AADACL3: variants seen among roughly 807,000 people sequenced by gnomAD.
The protein encoded by AADACL3 is arylacetamide deacetylase-like 3.
In AADACL3, 13 loss-of-function variants were observed where a neutral mutation model predicts 13.6. That is an observed-to-expected ratio of 0.95 (90% CI 0.62 to 1.52). The LOEUF (loss-of-function observed/expected upper bound fraction) is 1.52. AADACL3 is among the 40% of genes most tolerant of loss of function. The pLI is 0.00. For synonymous variants in AADACL3, 195 were observed against 197.0 expected (o/e 0.99, Z 0.08); for missense variants, 519 against 499.2 (o/e 1.04, Z -0.38).
rs572718911 is a variant in AADACL3, at chr1:12,728,156, C to T, written c.*2160C>T. On this transcript the variant is annotated 3_prime_UTR_variant, in exon 4 of 4. Coordinates refer to ENST00000359318, the MANE Select transcript of AADACL3 (RefSeq NM_001103170.3). ...CACTATCCTTCCTGCAATACATCCA[C>T]GAGACTCACTGAGTGGAAAAGGGAT... is the stretch of plus-strand genomic sequence containing the variant. 5 of 152,288 alleles carry T rather than the reference C, an allele frequency of 3.3e-5. No individual in the cohort carries two copies. The highest frequency in any genetic ancestry group is 4.8e-5 in the African/African-American group (2 of 41,550). 9.4% of individuals were successfully genotyped at this position (152,288 alleles called of 1,614,324 possible). A position where few individuals can be genotyped will look rare whatever the true frequency, so the allele number is the denominator to read the frequency against.
rs1292090425 is a variant in AADACL3 at position 12,725,447 on chromosome 1, C to G, written c.675C>G (p.Leu225=). 1 of 1,613,972 alleles carries G rather than the reference C, an allele frequency of 6.2e-7. No individual in the cohort carries two copies. The highest frequency in any genetic ancestry group is 1.7e-5 in the Admixed American group (1 of 60,006). Residue 225 remains leucine, a synonymous_variant, in exon 4 of 4, where the codon CTC becomes CTG. Transcript: ENST00000359318. Reference sequence around the variant, plus strand: ...CTCAGATCCTGATCTATGCCATTCTCCAAGCCCTGGATTTACAAACCCCTT... The same window carrying G: ...CTCAGATCCTGATCTATGCCATTCTGCAAGCCCTGGATTTACAAACCCCTT... ...IRAQILIYAI[L]QALDLQTPSF...
At chr1:12,721,716 C>T (rs1053494100) in intron 3 of AADACL3, among the ~76,000 whole-genome samples, 2 of 152,220 alleles carry the variant, frequency 1.3e-5, no homozygotes, top group African/African-American at 2.4e-5. Context: ...CGTTCACTTC[C>T]AAGTGCTCCC....
Position 12,725,842 on chromosome 1 carries a change from A to G in AADACL3, c.1070A>G (p.Lys357Arg), listed in dbSNP as rs1427134666. 1 of 1,614,228 alleles carries G rather than the reference A, an allele frequency of 6.2e-7. No homozygotes were observed. The highest frequency in any genetic ancestry group is 8.5e-7 in the Non-Finnish European group (1 of 1,180,036). The change falls in exon 4 of 4, where the codon AAG (lysine) becomes AGG (arginine). Residue 357 changes from lysine to arginine, a missense_variant. Coordinates refer to ENST00000359318, the MANE Select transcript of AADACL3 (RefSeq NM_001103170.3). ...DALRDNSLLY[K>R]KRLEDLGVPV... ...CTCCGGGACAATTCACTGTTGTACA[A>G]GAAAAGGCTGGAAGACCTGGGAGTG... is the stretch of plus-strand genomic sequence containing the variant.
chr1:12,725,736 A>T lies in AADACL3; in HGVS notation c.964A>T (p.Met322Leu), dbSNP rs779132748. ...GGAAGTAAGTGTTGTCCTGGATGTG[A>T]TGTGCTCGCCCCTGATTGCAGAAGA... ...YLEVSVVLDV[M>L]CSPLIAEDDI... The change falls in exon 4 of 4, where the codon ATG (methionine) becomes TTG (leucine). Residue 322 changes from methionine (M) to leucine (L), a missense_variant. Physicochemically the swap from Met to Leu is conservative, Grantham distance 15. Transcript: ENST00000359318. 1 of 1,614,146 alleles carries T rather than the reference A, an allele frequency of 6.2e-7. No individual in the cohort carries two copies. The highest frequency in any genetic ancestry group is 8.5e-7 in the Non-Finnish European group (1 of 1,180,016).
At chr1:12,721,399 CAAACAAAACAA>C (rs1046146432) in intron 3 of AADACL3, among the ~76,000 whole-genome samples, 4 of 151,806 alleles carry the variant, frequency 2.6e-5, no homozygotes, top group Non-Finnish European at 5.9e-5. Context: ...TGTCTTAAAA[CAAACAAAACAA>C]AACAAGAAAA....
chr1:12,719,255 AG>A (rs1488012431), intron 1 of AADACL3, among the ~76,000 whole-genome samples: 1 of 152,002 alleles, frequency 6.6e-6, no homozygotes, highest in East Asian at 1.9e-4. Flanking sequence ...GTGGGTTGAG[AG>A]GGGCTGGCTG....
At position 12,725,880 on chromosome 1, in the gene AADACL3, C is replaced by T. The variant is rs769698072; in HGVS notation, c.1108C>T (p.His370Tyr). The change falls in exon 4 of 4, where the codon CAC becomes TAC. Residue 370 changes from histidine to tyrosine, a missense_variant. Physicochemically the swap from His to Tyr is moderately conservative, Grantham distance 83 (BLOSUM62 2). Coordinates refer to ENST00000359318, the MANE Select transcript of AADACL3 (RefSeq NM_001103170.3). ...AGACCTGGGAGTGCCCGTGACCTGGCACCATATGGAGGATGGTTTCCATGG... is the reference window on the plus strand; with the variant it reads ...AGACCTGGGAGTGCCCGTGACCTGGTACCATATGGAGGATGGTTTCCATGG... ...LEDLGVPVTW[H>Y]HMEDGFHGVL... 6 of 1,614,194 alleles carry T rather than the reference C, an allele frequency of 3.7e-6. No homozygotes were observed. The South Asian group carries it at 4.4e-5, about 12-fold the overall frequency.
chr1:12,728,602 A>C lies in AADACL3; in HGVS notation c.*2606A>C, dbSNP rs1638419404. 1.3e-5 allele frequency: 2 copies of C among 152,298 alleles called. No individual in the cohort carries two copies. Among genetic ancestry groups the C allele is most frequent in the Non-Finnish European group, 2.9e-5 (2 of 68,058 alleles). The allele number at this position is 152,298 out of a possible 1,614,324, so 9.4% of individuals were successfully genotyped here. On this transcript the variant is annotated 3_prime_UTR_variant, in exon 4 of 4. Transcript: ENST00000359318. ...TCTGAGTTCTCCAGCTTCCTCCCAC[A>C]TTCCAAAGATGTGTATGTTACATTC...
chr1:12,725,450 A>T lies in AADACL3; in HGVS notation c.678A>T (p.Gln226His). ...AGATCCTGATCTATGCCATTCTCCA[A>T]GCCCTGGATTTACAAACCCCTTCGT... ...RAQILIYAILQALDLQTPSFQ... is the reference protein window; with the variant it reads ...RAQILIYAILHALDLQTPSFQ... Residue 226 changes from glutamine (Q) to histidine (H), a missense_variant, in exon 4 of 4, where the codon CAA becomes CAT. By Grantham distance (24) the Gln-to-His change is conservative (BLOSUM62 0). Coordinates refer to ENST00000359318, the MANE Select transcript of AADACL3 (RefSeq NM_001103170.3). 1 of 1,614,038 alleles carries T rather than the reference A, an allele frequency of 6.2e-7. No homozygotes were observed. The highest frequency in any genetic ancestry group is 8.5e-7 in the Non-Finnish European group (1 of 1,179,974).
rs772061836 is a variant in AADACL3 at position 12,725,665 on chromosome 1, G to T, written c.893G>T (p.Gly298Val). The T allele has an allele frequency of 5.6e-6, 9 of 1,614,094 alleles. No homozygotes were observed. Among genetic ancestry groups the T allele is most frequent in the Non-Finnish European group, 7.6e-6 (9 of 1,180,002 alleles). Reference protein sequence around the residue: ...ENIPERFKERGYQLKPHEPMN... With the variant: ...ENIPERFKERVYQLKPHEPMN... Reference sequence around the variant, plus strand: ...ATCCCTGAGAGGTTTAAGGAGAGGGGTTACCAACTGAAGCCCCATGAGCCC... The same window carrying T: ...ATCCCTGAGAGGTTTAAGGAGAGGGTTTACCAACTGAAGCCCCATGAGCCC... The change falls in exon 4 of 4, where the codon GGT becomes GTT. Residue 298 changes from glycine to valine, a missense_variant. Transcript: ENST00000359318.
rs1238536967 is a variant in AADACL3 at position 12,726,704 on chromosome 1, A to T, written c.*708A>T. 1 of 152,242 alleles carries T rather than the reference A, an allele frequency of 6.6e-6. No individual in the cohort carries two copies. The highest frequency in any genetic ancestry group is 1.5e-5 in the Non-Finnish European group (1 of 68,088). The allele number at this position is 152,242 out of a possible 1,614,324, so 9.4% of individuals were successfully genotyped here. On this transcript the variant is annotated 3_prime_UTR_variant, in exon 4 of 4. Coordinates refer to ENST00000359318, the MANE Select transcript of AADACL3 (RefSeq NM_001103170.3). ...AATCAAAGCCTGTCTTCCAACCAGA[A>T]GCCCCAAGGCAATGTTCTAAGAATT...
chr1:12,719,596 T>A lies in AADACL3; in HGVS notation c.290T>A (p.Ile97Asn), dbSNP rs751218304. The A allele has an allele frequency of 6.2e-7, 1 of 1,614,118 alleles. No individual in the cohort carries two copies. The highest frequency in any genetic ancestry group is 1.7e-5 in the Admixed American group (1 of 60,018). ...GTCACGGATTTCCGCTTTGGGACAATCCCTGTGAAGCTGTACCAACCCAAG... is the reference window on the plus strand; with the variant it reads ...GTCACGGATTTCCGCTTTGGGACAAACCCTGTGAAGCTGTACCAACCCAAG... ...VVVTDFRFGT[I>N]PVKLYQPKAS... is the part of the protein sequence containing the mutation. Residue 97 changes from isoleucine to asparagine, a missense_variant, in exon 2 of 4, where the codon ATC (isoleucine) becomes AAC (asparagine). Physicochemically the swap from Ile to Asn is moderately radical, Grantham distance 149. Transcript: ENST00000359318.
rs1464584242 is a variant in AADACL3 at position 12,728,019 on chromosome 1, GC to G, written c.*2026del. 2 of 152,264 alleles carry G rather than the reference GC, an allele frequency of 1.3e-5. No homozygotes were observed. Among genetic ancestry groups the G allele is most frequent in the African/African-American group, 4.8e-5 (2 of 41,470 alleles). 9.4% of individuals were successfully genotyped at this position (152,264 alleles called of 1,614,324 possible). Reference sequence around the variant, plus strand: ...TGAGAGCACCCCTTGTTGGGCGCATGCCCATGGCAGCTTCCTTCTGCCGATC... The same window carrying G: ...TGAGAGCACCCCTTGTTGGGCGCATGCCATGGCAGCTTCCTTCTGCCGATC... On this transcript the variant is annotated 3_prime_UTR_variant, in exon 4 of 4. Transcript: ENST00000359318.
At chr1:12,722,581 C>T (rs1324727385) in intron 3 of AADACL3, among the ~76,000 whole-genome samples, 1 of 151,938 alleles carries the variant, frequency 6.6e-6, no homozygotes, top group African/African-American at 2.4e-5. Flanking sequence ...AAGGGCATTG[C>T]TTTCCAGGAT....
chr1:12,719,617 C>A lies in AADACL3; in HGVS notation c.311C>A (p.Pro104His). The A allele has an allele frequency of 6.2e-7, 1 of 1,614,134 alleles. No homozygotes were observed. Among genetic ancestry groups the A allele is most frequent in the Non-Finnish European group, 8.5e-7 (1 of 1,180,014 alleles). ...FGTIPVKLYQPKASTCTLKPG... is the reference protein window; with the variant it reads ...FGTIPVKLYQHKASTCTLKPG... ...ACAATCCCTGTGAAGCTGTACCAAC[C>A]CAAGGCATCCACCTGCACCCTGAAG... The change falls in exon 2 of 4, where the codon CCC (proline) becomes CAC (histidine). Residue 104 changes from proline to histidine, a missense_variant. By Grantham distance (77) the Pro-to-His change is moderately conservative. Transcript: ENST00000359318.
rs777451432 is a variant in AADACL3, at chr1:12,725,494, TCCCAC to T, written c.723_727del (p.Pro242AlafsTer33). The T allele has an allele frequency of 3.7e-6, 6 of 1,614,100 alleles. No individual in the cohort carries two copies. Among genetic ancestry groups the T allele is most frequent in the Non-Finnish European group, 5.1e-6 (6 of 1,180,014 alleles). Reference sequence around the variant, plus strand: ...CCTTCGTTTCAACAGAGGAAAAACATCCCACTGCTCACCTGGAGTTTCATCTGCTA... The same window carrying T: ...CCTTCGTTTCAACAGAGGAAAAACATTGCTCACCTGGAGTTTCATCTGCTA... On this transcript the variant is annotated frameshift_variant, in exon 4 of 4. Transcript: ENST00000359318. LOFTEE classifies it low-confidence loss of function (END_TRUNC).
At chr1:12,722,327 A>G (rs1264945597) in intron 3 of AADACL3, among the ~76,000 whole-genome samples, 200 of 37,736 alleles carry the variant, frequency 5.3e-3, no homozygotes, top group African/African-American at 0.018. Context: ...ATTCCGTCTG[A>G]AAAAAAAAAA....
At chr1:12,716,890 A>G (rs1648448722) in intron 1 of AADACL3, among the ~76,000 whole-genome samples, 1 of 152,190 alleles carries the variant, frequency 6.6e-6, no homozygotes, top group Admixed American at 6.5e-5. Flanking sequence ...GCGGATGAGT[A>G]GATTAGTGCC....
intron 3 of AADACL3, among the ~76,000 whole-genome samples, chr1:12,724,183 T>G (rs1220236849): frequency 6.6e-6 from 1 of 152,196 alleles, no homozygotes; most frequent in African/African-American, 2.4e-5. Context: ...CTGGATCCTA[T>G]CCCTGCAGCT....
Sources: allele counts gnomAD v4.1 joint callset (sites outside exome capture counted in the v4.1 genomes callset), GRCh38; gene constraint gnomAD v4.1.1; transcripts MANE v1.5; gene names NCBI Gene and HGNC (gene_info 2026-07-23, HGNC 2026-07-21).